DNAH9: variants seen among roughly 807,000 people sequenced by gnomAD.
DNAH9 encodes dynein axonemal heavy chain 9, also known as DNAH9 variant protein.
Under a neutral mutation model 471.6 loss-of-function variants are expected in DNAH9, and 345 were observed. The ratio of observed to expected loss-of-function variants is 0.73; its 90% CI spans 0.67 to 0.80. DNAH9 has a LOEUF of 0.80. Ranked by LOEUF, DNAH9 falls within the 30% of genes least tolerant of loss-of-function variation. The pLI is 0.00. For synonymous variants in DNAH9, 2,093 were observed against 2,123.6 expected (o/e 0.99, Z 0.40); for missense variants, 5,407 against 5,609.2 (o/e 0.96, Z 1.15).
chr17:11,793,191 A>T (rs1567806042), intron 41 of DNAH9, among the ~76,000 whole-genome samples: 1 of 152,238 alleles, frequency 6.6e-6, no homozygotes, highest in Non-Finnish European at 1.5e-5. Context: ...TTGAAAAGTG[A>T]GCAAACTAAG....
chr17:11,962,773 CCT>C lies in DNAH9; in HGVS notation c.13233+518_13233+519del, dbSNP rs576519881. On this transcript the variant is annotated intron_variant, in intron 68 of 68. Coordinates refer to ENST00000262442, the MANE Select transcript of DNAH9 (RefSeq NM_001372.4). The surrounding 1 kb of genome is among the most constrained non-coding windows in gnomAD (Gnocchi z 4.1). ...CCGCCTCCCGAGTTCAAGCAATTCT[CCT>C]GCCTCACCTCCTTGGTCCACTTTCC... Among the ~76,000 whole-genome samples the C allele has an allele frequency of 7.0e-4, 107 of 152,212 alleles. No individual in the cohort carries two copies. Among genetic ancestry groups the C allele is most frequent in the African/African-American group, 2.5e-3 (102 of 41,540 alleles).
chr17:11,921,833 G>A (rs926485591), intron 61 of DNAH9, among the ~76,000 whole-genome samples: 12 of 152,304 alleles, frequency 7.9e-5, no homozygotes, highest in Admixed American at 5.2e-4. Context: ...GGGCTCTGCA[G>A]TGCTAAACTT....
At chr17:11,692,695 A>C (rs1298914447) in intron 20 of DNAH9, among the ~76,000 whole-genome samples, 1 of 151,152 alleles carries the variant, frequency 6.6e-6, no homozygotes, top group Non-Finnish European at 1.5e-5. Flanking sequence ...TTTTTCTCTC[A>C]TTCTTCCATG....
rs141159135 is a variant in DNAH9, at chr17:11,647,114, A to G, written c.2013A>G (p.Ser671=). The G allele has an allele frequency of 1.7e-3, 2,753 of 1,613,962 alleles. 8 individuals are homozygous for G. Among genetic ancestry groups the G allele is most frequent in the Non-Finnish European group, 2.0e-3 (2,369 of 1,179,884 alleles). Residue 671 remains serine, a synonymous_variant, in exon 12 of 69, where the codon TCA becomes TCG. Coordinates refer to ENST00000262442, the MANE Select transcript of DNAH9 (RefSeq NM_001372.4). ...RLYEDWCRTV[S]EKSQYNLSQP... is the part of the protein sequence containing the mutation. Reference sequence around the variant, plus strand: ...ATGAGGATTGGTGCCGGACAGTATCAGAGAAGTCACAGTACAATCTTTCCC... The same window carrying G: ...ATGAGGATTGGTGCCGGACAGTATCGGAGAAGTCACAGTACAATCTTTCCC...
chr17:11,809,479 A>C (rs561280316), intron 44 of DNAH9, among the ~76,000 whole-genome samples: 1 of 152,208 alleles, frequency 6.6e-6, no homozygotes, highest in East Asian at 1.9e-4. Flanking sequence ...AGGCAGGAGA[A>C]TCCCTTGAAC....
At chr17:11,654,066 T>A (rs965436798) in intron 14 of DNAH9, among the ~76,000 whole-genome samples, 1 of 130,780 alleles carries the variant, frequency 7.6e-6, no homozygotes, top group Non-Finnish European at 1.7e-5. Flanking sequence ...AAGTTTAAAA[T>A]CGATCTAGGC....
intron 28 of DNAH9, among the ~76,000 whole-genome samples, chr17:11,732,753 G>C (rs1282756316): frequency 6.6e-6 from 1 of 152,002 alleles, no homozygotes; most frequent in Non-Finnish European, 1.5e-5. Flanking sequence ...TGGGTTATCT[G>C]CGCCCGGGGA....
In DNAH9 at chr17:11,937,855, G is replaced by A. The variant is rs1974765388; in HGVS notation, c.12660+333G>A. ...CAGTGGTGGCTTGGGAACCTTGAAT[G>A]TGACTTCTTGATCCCCTGGCAAACC... On this transcript the variant is annotated intron_variant, in intron 66 of 68. Transcript: ENST00000262442. This position sits in a 1 kb window ranked among gnomAD's most constrained non-coding sequence, Gnocchi z 4.1. Among the ~76,000 whole-genome samples, 2 of 152,220 alleles carry A rather than the reference G, an allele frequency of 1.3e-5. No individual in the cohort carries two copies. The highest frequency in any genetic ancestry group is 1.3e-4 in the Admixed American group (2 of 15,288).
chr17:11,693,370 C>A (rs1358983496), intron 20 of DNAH9, among the ~76,000 whole-genome samples: 2 of 151,220 alleles, frequency 1.3e-5, no homozygotes, highest in Non-Finnish European at 2.9e-5. Flanking sequence ...CATGCCTCAG[C>A]CTCCCGAGTA....
At chr17:11,942,918 CAG>C (rs1314012637) in intron 67 of DNAH9, among the ~76,000 whole-genome samples, 2 of 128,378 alleles carry the variant, frequency 1.6e-5, no homozygotes, top group South Asian at 2.5e-4. Context: ...TTTTTTGAGA[CAG>C]AGTCTTGCTC....
At position 11,810,260 on chromosome 17, in the gene DNAH9, C is replaced by T. The variant is rs61746800; in HGVS notation, c.8598C>T (p.Ser2866=). 1.8e-3 allele frequency: 2,824 copies of T among 1,612,634 alleles called. 31 individuals carry two copies. In the African/African-American group the frequency reaches 0.028, roughly 16 times the overall value. Residue 2866 remains serine (S), a synonymous_variant, in exon 45 of 69, where the codon AGC becomes AGT. Coordinates refer to ENST00000262442, the MANE Select transcript of DNAH9 (RefSeq NM_001372.4). ...CATTCCTACAGATGGACCTGGCCAG[C>T]CTGTGTCTGAAAGCTGGAGTGAAGA... ...QIQDFKMDLA[S]LCLKAGVKNL... is the part of the protein sequence containing the mutation.
At chr17:11,964,580 C>T (rs1976531704) in intron 68 of DNAH9, among the ~76,000 whole-genome samples, 1 of 152,150 alleles carries the variant, frequency 6.6e-6, no homozygotes, top group African/African-American at 2.4e-5. Context: ...TGAGAACATT[C>T]ACAAAAACTG....
intron 51 of DNAH9, among the ~76,000 whole-genome samples, chr17:11,870,789 GAGT>G (rs1217092641): frequency 6.6e-6 from 1 of 152,110 alleles, no homozygotes; most frequent in Non-Finnish European, 1.5e-5. Context: ...TCTGCTCTAG[GAGT>G]CAGGATGTTC....
At chr17:11,808,062 A>T (rs1055143511) in intron 44 of DNAH9, among the ~76,000 whole-genome samples, 168 bp downstream of exon 44, 1 of 152,000 alleles carries the variant, frequency 6.6e-6, no homozygotes. Context: ...TTCTCATTAG[A>T]CTCAGCCTGA....
In DNAH9 at chr17:11,826,101, A is replaced by C. The variant is rs79069087; in HGVS notation, c.9246+3067A>C. Among the ~76,000 whole-genome samples the C allele has an allele frequency of 1.7e-3, 265 of 152,306 alleles. 2 individuals are homozygous for C. In the East Asian group the frequency reaches 0.044, roughly 25 times the overall value. On this transcript the variant is annotated intron_variant, in intron 48 of 68. Transcript: ENST00000262442. ...GTTCCATTCTTATCTGTGCCTAAAG[A>C]AGGATGTGTGCAATCTGTCTTTATT...
At chr17:11,887,559 T>TC (rs1206972833) in intron 57 of DNAH9, among the ~76,000 whole-genome samples, 8 of 151,900 alleles carry the variant, frequency 5.3e-5, no homozygotes, top group East Asian at 3.9e-4. Flanking sequence ...AGTACATCTT[T>TC]CCCCCCTAGG....
intron 12 of DNAH9, among the ~76,000 whole-genome samples, chr17:11,648,927 A>G (rs2073445417): frequency 6.6e-6 from 1 of 152,132 alleles, no homozygotes; most frequent in South Asian, 2.1e-4. Flanking sequence ...GGAGTTCAAG[A>G]CGAGCCTGAC....
intron 19 of DNAH9, among the ~76,000 whole-genome samples, chr17:11,682,429 G>A (rs1449009037): frequency 4.6e-5 from 7 of 151,198 alleles, no homozygotes; most frequent in Non-Finnish European, 7.4e-5. Flanking sequence ...CTGTGTTCTG[G>A]GCAAACTGGA....
intron 56 of DNAH9, chr17:11,884,341 G>A (rs942681758): frequency 3.1e-5 from 8 of 260,112 alleles, no homozygotes; most frequent in Admixed American, 9.0e-5. Flanking sequence ...ACTAGAAGAC[G>A]GGGTGTGATG....
Sources: allele counts gnomAD v4.1 joint callset (sites outside exome capture counted in the v4.1 genomes callset), GRCh38; gene constraint gnomAD v4.1.1; non-coding constraint Gnocchi (gnomAD v3.1); transcripts MANE v1.5; gene names NCBI Gene and HGNC (gene_info 2026-07-23, HGNC 2026-07-21).